The following PNPLA8 variants were observed in gnomAD, a reference collection of about 807,000 sequenced individuals.
PNPLA8 encodes calcium-independent phospholipase A2-gamma.
In PNPLA8, 39 loss-of-function variants were observed where a neutral mutation model predicts 76.9. The ratio of observed to expected loss-of-function variants is 0.51; its 90% CI spans 0.39 to 0.66. The LOEUF is 0.66. Among genes scored for constraint, PNPLA8 ranks in the 30% least tolerant of loss-of-function variants. PNPLA8 has a pLI of 0.00. For synonymous variants in PNPLA8, 301 were observed against 307.9 expected, an observed-to-expected ratio of 0.98 and a Z score of 0.24; for missense variants, 887 against 918.0, an observed-to-expected ratio of 0.97 and a Z score of 0.44.
chr7:108,482,983 G>A lies in PNPLA8; in HGVS notation c.1879-3604C>T, dbSNP rs17155811. Reference sequence around the variant, plus strand: ...GTTACTAAAATTTCTCATGAAATGTGAAGAACACTCTTCATCTTTTCACAA... The same window carrying A: ...GTTACTAAAATTTCTCATGAAATGTAAAGAACACTCTTCATCTTTTCACAA... On this transcript the variant is annotated intron_variant, in intron 9 of 10. Transcript: ENST00000257694. 4.5e-3 allele frequency among the ~76,000 whole-genome samples: 689 copies of A among 152,286 alleles called. 21 individuals are homozygous for A. Among genetic ancestry groups the A allele is most frequent in the Admixed American group, 0.033 (497 of 15,282 alleles).
chr7:108,526,278 C>G (rs537730653), upstream of PNPLA8: 9 of 161,382 alleles, frequency 5.6e-5, no homozygotes, highest in African/African-American at 2.2e-4. Context: ...TGTCAATCTC[C>G]GTTCCTCCCC....
At chr7:108,498,466 G>A (rs911681265) in intron 5 of PNPLA8, among the ~76,000 whole-genome samples, 1 of 151,090 alleles carries the variant, frequency 6.6e-6, no homozygotes, top group Non-Finnish European at 1.5e-5. Context: ...GTAGAGACAG[G>A]GTTTCACCAT....
chr7:108,524,620 T>C (rs1037428751), intron 1 of PNPLA8, among the ~76,000 whole-genome samples: 3 of 151,238 alleles, frequency 2.0e-5, no homozygotes, highest in Non-Finnish European at 4.4e-5. Flanking sequence ...AGGCCAGGAG[T>C]TTGAGAGCAG....
rs1863160297 is a variant in PNPLA8 at position 108,514,509 on chromosome 7, G to C, written c.983C>G (p.Ala328Gly). The C allele has an allele frequency of 1.2e-6, 2 of 1,613,054 alleles. No individual in the cohort carries two copies. The highest frequency in any genetic ancestry group is 2.7e-5 in the African/African-American group (2 of 74,892). Residue 328 changes from alanine to glycine, a missense_variant, in exon 3 of 11, where the codon GCT becomes GGT. Transcript: ENST00000257694. ...KSQSEEQEEP[A>G]KTDQAVSKDR... ...TTTGCTGACAGCCTGATCAGTTTTA[G>C]CAGGCTCTTCCTGTTCTTCTGACTG...
chr7:108,489,977 A>G (rs1475083164), intron 8 of PNPLA8, among the ~76,000 whole-genome samples: 2 of 152,262 alleles, frequency 1.3e-5, no homozygotes, highest in Non-Finnish European at 2.9e-5. Context: ...AATCTAATAT[A>G]GTCATGCATT....
At chr7:108,522,067 G>C (rs1434883610) in intron 1 of PNPLA8, among the ~76,000 whole-genome samples, 1 of 151,646 alleles carries the variant, frequency 6.6e-6, no homozygotes, top group African/African-American at 2.4e-5. Flanking sequence ...AGGCCGAGGT[G>C]GGTGGATGAC....
At chr7:108,511,863 T>C (rs1862958165) in intron 4 of PNPLA8, among the ~76,000 whole-genome samples, 1 of 152,226 alleles carries the variant, frequency 6.6e-6, no homozygotes, top group Non-Finnish European at 1.5e-5. Context: ...TTGGTATATA[T>C]GTGCATAGAA....
chr7:108,510,943 C>A (rs1194505404), intron 4 of PNPLA8: 11 of 1,568,232 alleles, frequency 7.0e-6, no homozygotes, highest in South Asian at 1.1e-5. Context: ...ACAGGGAGGA[C>A]CAGATCAACA....
chr7:108,518,812 C>T (rs1031889171), intron 2 of PNPLA8, among the ~76,000 whole-genome samples: 1 of 148,384 alleles, frequency 6.7e-6, no homozygotes, highest in African/African-American at 2.5e-5. Flanking sequence ...TCTACATATG[C>T]AGTTGAAATC....
intron 1 of PNPLA8, among the ~76,000 whole-genome samples, chr7:108,525,071 G>A (rs40895): frequency 0.27 from 41,673 of 151,990 alleles, 6,019 homozygotes; most frequent in Non-Finnish European, 0.31. Flanking sequence ...ATTTAGTCCT[G>A]ATATAGAAAT....
At chr7:108,510,966 G>A in intron 4 of PNPLA8, 2 of 1,475,904 alleles carry the variant, frequency 1.4e-6, no homozygotes, top group African/African-American at 1.4e-5. Flanking sequence ...CTTATTAGAA[G>A]AATGAACTAA....
intron 1 of PNPLA8, among the ~76,000 whole-genome samples, chr7:108,522,409 G>A (rs1163655714): frequency 6.6e-6 from 1 of 151,892 alleles, no homozygotes; most frequent in Non-Finnish European, 1.5e-5. Context: ...CCTCCTTATG[G>A]TAACCCAAAC....
chr7:108,493,836 T>C (rs1861375221), intron 7 of PNPLA8, among the ~76,000 whole-genome samples: 1 of 151,982 alleles, frequency 6.6e-6, no homozygotes, highest in Non-Finnish European at 1.5e-5. Flanking sequence ...GAAAATTAAA[T>C]GAAAATTGTG....
intron 2 of PNPLA8, among the ~76,000 whole-genome samples, chr7:108,516,267 C>G (rs925520135): frequency 2.0e-5 from 3 of 152,086 alleles, no homozygotes; most frequent in Non-Finnish European, 4.4e-5. Context: ...AAAGAAAAGA[C>G]AAATAGATCA....
chr7:108,485,890 T>C (rs1192567765), intron 9 of PNPLA8, among the ~76,000 whole-genome samples: 1 of 152,112 alleles, frequency 6.6e-6, no homozygotes, highest in African/African-American at 2.4e-5. Flanking sequence ...TATATGAAAG[T>C]ACATTTTTTG....
At chr7:108,473,454 T>C (rs1598856108) in intron 10 of PNPLA8, among the ~76,000 whole-genome samples, 1 of 152,220 alleles carries the variant, frequency 6.6e-6, no homozygotes, top group Non-Finnish European at 1.5e-5. Flanking sequence ...CTGGTTCATA[T>C]GGTAAAGGGT....
At chr7:108,516,798 T>C (rs1863377425) in intron 2 of PNPLA8, among the ~76,000 whole-genome samples, 1 of 151,862 alleles carries the variant, frequency 6.6e-6, no homozygotes. Context: ...GCTACTCGGG[T>C]GGCTGAGGCA....
intron 1 of PNPLA8, among the ~76,000 whole-genome samples, chr7:108,524,590 C>T (rs1863952636): frequency 6.6e-6 from 1 of 152,060 alleles, no homozygotes; most frequent in African/African-American, 2.4e-5. Flanking sequence ...TTTGGGAGGC[C>T]GAGGCGGGCG....
At chr7:108,517,349 C>T (rs1386906476) in intron 2 of PNPLA8, among the ~76,000 whole-genome samples, 2 of 152,164 alleles carry the variant, frequency 1.3e-5, no homozygotes, top group African/African-American at 4.8e-5. Flanking sequence ...AGTTCGGTAG[C>T]TTCTTACAAA....
Sources: gnomAD v4.1 joint callset for allele counts (sites outside exome capture counted in the v4.1 genomes callset) on GRCh38, gnomAD v4.1.1 for gene constraint, MANE v1.5 for transcripts, NCBI Gene and HGNC (gene_info 2026-07-23, HGNC 2026-07-21) for gene names.